Variants in ABCA9 observed in about 807,000 individuals in gnomAD.
ABCA9 encodes the protein ATP-binding cassette sub-family A member 9.
Under a neutral mutation model 205.3 loss-of-function variants are expected in ABCA9, and 183 were observed. The ratio of observed to expected loss-of-function variants is 0.89; its 90% CI spans 0.79 to 1.01. The LOEUF (loss-of-function observed/expected upper bound fraction) is 1.01, where lower values mean the gene tolerates loss of function less well. ABCA9 is among the 50% of genes least tolerant of loss of function. The pLI, the probability that ABCA9 is intolerant of heterozygous loss-of-function variation, is 0.00. For missense variants in ABCA9, 1,805 were observed against 1,912.4 expected, an observed-to-expected ratio of 0.94 and a Z score of 1.05; for synonymous variants, 651 against 683.3, an observed-to-expected ratio of 0.95 and a Z score of 0.74.
At position 68,974,969 on chromosome 17, in the gene ABCA9, C is replaced by T. The variant is rs2068860545; in HGVS notation, c.*946G>A. On this transcript the variant is annotated 3_prime_UTR_variant, in exon 39 of 39. Coordinates refer to ENST00000340001, the MANE Select transcript of ABCA9 (RefSeq NM_080283.4). ...GCTGCACCCATCAACCCATCATCTA[C>T]ATCAGGTATTTCTCCTAATGCTATC... 6.6e-6 allele frequency: 1 copy of T among 152,176 alleles called. No homozygotes were observed. Among genetic ancestry groups the T allele is most frequent in the African/African-American group, 2.4e-5 (1 of 41,420 alleles). 9.4% of individuals were successfully genotyped at this position (152,176 alleles called of 1,614,324 possible).
In ABCA9 at chr17:69,035,381, C is replaced by T. The variant is rs746559106; in HGVS notation, c.993G>A (p.Thr331=). Residue 331 remains threonine, a synonymous_variant, in exon 8 of 39, where the codon ACG becomes ACA. Transcript: ENST00000340001. ...CAATAAGGAGAAACACAACCAAGCC[C>T]GTAAGGAAAGGTTTCTTTATCAACA... ...MSVLIKKPFL[T]GLVVFLLIVF... is the part of the protein sequence containing the mutation. 45 of 1,604,256 alleles carry T rather than the reference C, an allele frequency of 2.8e-5. No individual in the cohort carries two copies. Among genetic ancestry groups the T allele is most frequent in the Non-Finnish European group, 3.1e-5 (37 of 1,175,240 alleles).
At chr17:69,077,666 T>C in the ABCA9 span, among the ~76,000 whole-genome samples, 2 of 152,172 alleles carry the variant, frequency 1.3e-5, no homozygotes. Flanking sequence ...GAAATCATTG[T>C]TTTAAGAATC....
At chr17:69,056,752 A>G (rs1473640062) in intron 1 of ABCA9, among the ~76,000 whole-genome samples, 2 of 152,228 alleles carry the variant, frequency 1.3e-5, no homozygotes, top group African/African-American at 4.8e-5. Context: ...GCCTAATTAG[A>G]TAGGATATAC....
At chr17:69,021,105 T>G (rs1328324083) in intron 18 of ABCA9, among the ~76,000 whole-genome samples, 1 of 152,034 alleles carries the variant, frequency 6.6e-6, no homozygotes, top group Non-Finnish European at 1.5e-5. Flanking sequence ...TGTACATACA[T>G]TAAAATTTAG....
chr17:69,014,277 C>CAAAACATA (rs2070496334), intron 22 of ABCA9, among the ~76,000 whole-genome samples: 1 of 152,088 alleles, frequency 6.6e-6, no homozygotes, highest in Non-Finnish European at 1.5e-5. Context: ...GGGTCACATT[C>CAAAACATA]AAAACATAGG....
chr17:69,068,655 C>G, the ABCA9 span, among the ~76,000 whole-genome samples: 14 of 151,894 alleles, frequency 9.2e-5, no homozygotes, highest in Admixed American at 7.9e-4. Flanking sequence ...ATATCTTTAC[C>G]CCAAAAAACT....
At chr17:69,054,531 A>C (rs1173048705) in intron 1 of ABCA9, among the ~76,000 whole-genome samples, 2 of 151,596 alleles carry the variant, frequency 1.3e-5, no homozygotes, top group African/African-American at 4.8e-5. Context: ...TCTCTCAAAA[A>C]AAAAAAAAAG....
chr17:69,067,203 T>A, the ABCA9 span, among the ~76,000 whole-genome samples: 1 of 152,048 alleles, frequency 6.6e-6, no homozygotes. Context: ...ATGGAAATTT[T>A]CTTAATATAT....
rs1028607068 is a variant in ABCA9, at chr17:69,044,620, C to T, written c.470-20G>A. On this transcript the variant is annotated intron_variant, in intron 4 of 38. Coordinates refer to ENST00000340001, the MANE Select transcript of ABCA9 (RefSeq NM_080283.4). Reference sequence around the variant, plus strand: ...AGTGAGCTTTAGAAGAAGAACACATCCATTATTACGGAATGATACAATCTT... The same window carrying T: ...AGTGAGCTTTAGAAGAAGAACACATTCATTATTACGGAATGATACAATCTT... 5.0e-6 allele frequency: 8 copies of T among 1,599,828 alleles called. No homozygotes were observed. Among genetic ancestry groups the T allele is most frequent in the Non-Finnish European group, 6.8e-6 (8 of 1,170,386 alleles).
intron 30 of ABCA9, 154 bp from the exon 31 acceptor site, chr17:68,989,272 A>T (rs1188816756): frequency 1.4e-4 from 73 of 509,284 alleles, no homozygotes; most frequent in Non-Finnish European, 1.7e-4. Flanking sequence ...ACACACACAC[A>T]CACACACACA....
chr17:68,998,202 C>A (rs150649906), intron 25 of ABCA9, among the ~76,000 whole-genome samples: 187 of 152,280 alleles, frequency 1.2e-3, no homozygotes, highest in African/African-American at 4.3e-3. Flanking sequence ...TTGGTTGCTT[C>A]CAAGTTTTGA....
rs150959606 is a variant in ABCA9 at position 68,983,733 on chromosome 17, A to G, written c.4616T>C (p.Phe1539Ser). The stretch of plus-strand genomic sequence containing the variant: ...CCTTTCCTGCTGAGCAGCCTGGGGG[A>G]AAAGCCTCAGGATCTCTGCATGGAG... ...EPLHAEILRL[F>S]PQAAQQERFS... is the part of the protein sequence containing the mutation. The change falls in exon 36 of 39, where the codon TTC becomes TCC. Residue 1539 changes from phenylalanine to serine, a missense_variant. Physicochemically the swap from Phe to Ser is radical, Grantham distance 155. Coordinates refer to ENST00000340001, the MANE Select transcript of ABCA9 (RefSeq NM_080283.4). 1.6e-4 allele frequency: 261 copies of G among 1,614,168 alleles called. No individual in the cohort carries two copies. The highest frequency in any genetic ancestry group is 1.4e-3 in the South Asian group (126 of 91,072).
At chr17:68,977,597 T>C (rs948911713) in intron 37 of ABCA9, among the ~76,000 whole-genome samples, 1 of 152,210 alleles carries the variant, frequency 6.6e-6, no homozygotes, top group Non-Finnish European at 1.5e-5. Flanking sequence ...GGCTAGGGTT[T>C]TGCTGGAGTT....
intron 26 of ABCA9, among the ~76,000 whole-genome samples, chr17:68,994,517 G>C (rs767255407): frequency 2.0e-5 from 3 of 152,060 alleles, no homozygotes; most frequent in Non-Finnish European, 2.9e-5. Context: ...GAGGGTCTTC[G>C]GCACTGTCTG....
upstream of ABCA9, chr17:69,061,220 T>C (rs1291789718): frequency 1.2e-5 from 11 of 918,010 alleles, no homozygotes; most frequent in Non-Finnish European, 1.4e-5. Flanking sequence ...GGTCTTTTCA[T>C]ACAAGGCCCT....
Position 68,983,852 on chromosome 17 carries a change from G to A in ABCA9, c.4500-3C>T. On this transcript the variant is annotated splice_region_variant and splice_polypyrimidine_tract_variant and intron_variant, in intron 35 of 38. Transcript: ENST00000340001. ...GGTGTTGGATGGAACCAATACATCTGAAGGTAACAGAAGGATAAAGTCAAG... is the reference window on the plus strand; with the variant it reads ...GGTGTTGGATGGAACCAATACATCTAAAGGTAACAGAAGGATAAAGTCAAG... 1 of 1,614,136 alleles carries A rather than the reference G, an allele frequency of 6.2e-7. No homozygotes were observed. The highest frequency in any genetic ancestry group is 1.3e-5 in the African/African-American group (1 of 75,032).
intron 6 of ABCA9, 91 bp downstream of exon 6, chr17:69,043,398 T>C: frequency 9.7e-7 from 1 of 1,029,666 alleles, no homozygotes; most frequent in Non-Finnish European, 1.4e-6. Context: ...GTCTGTGGCC[T>C]GGGGCTTGGG....
At chr17:69,066,124 A>C in the ABCA9 span, among the ~76,000 whole-genome samples, 1 of 152,210 alleles carries the variant, frequency 6.6e-6, no homozygotes, top group Non-Finnish European at 1.5e-5. Flanking sequence ...CCCTCATTGC[A>C]TATGGGTTCC....
Position 69,018,449 on chromosome 17 carries a change from C to G in ABCA9, c.2731G>C (p.Asp911His), listed in dbSNP as rs759272881. 3 of 1,602,714 alleles carry G rather than the reference C, an allele frequency of 1.9e-6. No individual in the cohort carries two copies. The African/African-American group carries it at 4.1e-5, about 22-fold the overall frequency. The change falls in exon 20 of 39, where the codon GAT becomes CAT. Residue 911 changes from aspartate (D) to histidine (H), a missense_variant. By Grantham distance (81) the Asp-to-His change is moderately conservative. Coordinates refer to ENST00000340001, the MANE Select transcript of ABCA9 (RefSeq NM_080283.4). ...YFLSPGQQPQ[D>H]PLTHLLVINK... ...ATGACCAGTAAATGGGTCAGAGGATCCTGTGGTTGTTGTCCTGGTGAGAGG... is the reference window on the plus strand; with the variant it reads ...ATGACCAGTAAATGGGTCAGAGGATGCTGTGGTTGTTGTCCTGGTGAGAGG...
Sources: gnomAD v4.1 joint callset for allele counts (sites outside exome capture counted in the v4.1 genomes callset) on GRCh38, gnomAD v4.1.1 for gene constraint, MANE v1.5 for transcripts, NCBI Gene and HGNC (gene_info 2026-07-23, HGNC 2026-07-21) for gene names.